FSTL4: variants seen among roughly 807,000 people sequenced by gnomAD.
FSTL4 encodes the protein follistatin like 4, also known as follistatin-related protein 4.
FSTL4 carries 28 observed loss-of-function variants against 78.2 expected under a neutral mutation model. The observed-to-expected ratio is 0.36, with a 90% CI of 0.27 to 0.49. The LOEUF (loss-of-function observed/expected upper bound fraction) is 0.49, where lower values mean the gene tolerates loss of function less well. Among genes scored for constraint, FSTL4 ranks in the 20% least tolerant of loss-of-function variants. FSTL4 has a pLI of 0.98. For synonymous variants in FSTL4, 422 were observed against 440.5 expected (o/e 0.96, Z 0.53); for missense variants, 922 against 1,084.9 (o/e 0.85, Z 2.11).
intron 13 of FSTL4, among the ~76,000 whole-genome samples, chr5:133,214,091 G>T (rs1371251137): frequency 2.0e-5 from 3 of 152,192 alleles, no homozygotes; most frequent in Non-Finnish European, 4.4e-5. Context: ...AGTGGAAGAT[G>T]TTAACACACC....
intron 8 of FSTL4, among the ~76,000 whole-genome samples, chr5:133,227,992 C>A (rs548954738): frequency 6.6e-6 from 1 of 152,094 alleles, no homozygotes; most frequent in Non-Finnish European, 1.5e-5. Context: ...TTTGGGAGGC[C>A]GAGGTGGGCA....
intron 4 of FSTL4, 140 bp downstream of exon 4, chr5:133,400,598 T>C: frequency 1.3e-6 from 1 of 755,642 alleles, no homozygotes. Flanking sequence ...CCACTGCTGC[T>C]ATTTTGTTAC....
At chr5:133,705,661 C>T in the FSTL4 span, among the ~76,000 whole-genome samples, 1 of 152,168 alleles carries the variant, frequency 6.6e-6, no homozygotes, top group Non-Finnish European at 1.5e-5. Flanking sequence ...AGCCTAGGGG[C>T]ATGGGACTTG....
the FSTL4 span, among the ~76,000 whole-genome samples, chr5:133,832,380 T>C: frequency 6.6e-6 from 1 of 152,262 alleles, no homozygotes; most frequent in Non-Finnish European, 1.5e-5. Flanking sequence ...TATAAATTTC[T>C]CTAGCTGTTG....
chr5:133,245,361 C>T (rs758137951), intron 7 of FSTL4, among the ~76,000 whole-genome samples: 21 of 152,284 alleles, frequency 1.4e-4, no homozygotes, highest in Non-Finnish European at 2.4e-4. Context: ...CTGGAAAAGG[C>T]GCTCCAGACT....
chr5:133,385,347 C>T (rs962236325), intron 4 of FSTL4, among the ~76,000 whole-genome samples: 1 of 152,236 alleles, frequency 6.6e-6, no homozygotes, highest in Non-Finnish European at 1.5e-5. Context: ...CACTACTTTA[C>T]TATCCTCAGG....
At chr5:133,216,589 G>A (rs1750916160) in intron 13 of FSTL4, among the ~76,000 whole-genome samples, 1 of 152,190 alleles carries the variant, frequency 6.6e-6, no homozygotes, top group Non-Finnish European at 1.5e-5. Context: ...GACCTTAGGT[G>A]ATCCACCCAC....
intron 14 of FSTL4, among the ~76,000 whole-genome samples, chr5:133,208,529 T>C (rs901062725): frequency 2.0e-5 from 3 of 152,244 alleles, no homozygotes; most frequent in African/African-American, 7.2e-5. Context: ...TTTGACTCCG[T>C]TCTAATAGTT....
At chr5:133,823,447 G>A in the FSTL4 span, among the ~76,000 whole-genome samples, 43 of 152,286 alleles carry the variant, frequency 2.8e-4, no homozygotes, top group African/African-American at 8.4e-4. Flanking sequence ...TGGACAGAGG[G>A]AGTGATGAGG....
the FSTL4 span, among the ~76,000 whole-genome samples, chr5:133,739,829 A>G: frequency 6.6e-6 from 1 of 152,166 alleles, no homozygotes; most frequent in Non-Finnish European, 1.5e-5. Flanking sequence ...GAGGTTAAGT[A>G]GCCCACCAAA....
the FSTL4 span, among the ~76,000 whole-genome samples, chr5:133,675,877 GGGGAAGCCTT>G: frequency 2.0e-5 from 3 of 152,190 alleles, no homozygotes; most frequent in Non-Finnish European, 4.4e-5. Context: ...AGGCTAGCCA[GGGGAAGCCTT>G]GGTCTCCGGG....
intron 14 of FSTL4, among the ~76,000 whole-genome samples, chr5:133,207,417 TTTA>T (rs747075877): frequency 4.6e-5 from 7 of 152,210 alleles, no homozygotes; most frequent in African/African-American, 1.7e-4. Flanking sequence ...AGGGCAACCT[TTTA>T]TTATCACTTT....
At chr5:133,768,234 C>G in the FSTL4 span, among the ~76,000 whole-genome samples, 2 of 152,186 alleles carry the variant, frequency 1.3e-5, no homozygotes, top group African/African-American at 2.4e-5. Flanking sequence ...GAATCCAACT[C>G]TCTGCCATTC....
At chr5:133,708,462 A>G in the FSTL4 span, among the ~76,000 whole-genome samples, 1 of 152,018 alleles carries the variant, frequency 6.6e-6, no homozygotes, top group East Asian at 1.9e-4. Context: ...CTCCAGCCTT[A>G]TTACTCTCAC....
At chr5:133,691,576 C>T in the FSTL4 span, among the ~76,000 whole-genome samples, 29,757 of 152,018 alleles carry the variant, frequency 0.2, 3,302 homozygotes, top group South Asian at 0.24. Context: ...AAGAAGGGTT[C>T]GAGGCTGAGT....
intron 6 of FSTL4, among the ~76,000 whole-genome samples, chr5:133,302,074 G>A (rs2864680): frequency 0.12 from 18,883 of 151,770 alleles, 2,097 homozygotes; most frequent in African/African-American, 0.3. Context: ...AGTTACGAGC[G>A]TTCGCTTGTC....
chr5:133,623,558 A>G, the FSTL4 span, among the ~76,000 whole-genome samples: 1 of 152,070 alleles, frequency 6.6e-6, no homozygotes, highest in African/African-American at 2.4e-5. Flanking sequence ...GGGGGAAATC[A>G]TAGGAGTAAA....
intron 6 of FSTL4, among the ~76,000 whole-genome samples, chr5:133,260,656 C>A (rs1752498582): frequency 6.6e-6 from 1 of 152,244 alleles, no homozygotes; most frequent in African/African-American, 2.4e-5. Flanking sequence ...CATGATCAGA[C>A]TCTGTTTCCC....
the FSTL4 span, among the ~76,000 whole-genome samples, chr5:133,782,202 A>G: frequency 6.6e-6 from 1 of 152,268 alleles, no homozygotes; most frequent in Non-Finnish European, 1.5e-5. Context: ...CTAATAATCA[A>G]GCAACATCCA....
Sources: gnomAD v4.1 joint callset for allele counts (sites outside exome capture counted in the v4.1 genomes callset) on GRCh38, gnomAD v4.1.1 for gene constraint, MANE v1.5 for transcripts, NCBI Gene and HGNC (gene_info 2026-07-23, HGNC 2026-07-21) for gene names.